CUX1: variants seen among roughly 807,000 people sequenced by gnomAD.
CUX1 encodes the protein cut like homeobox 1, also known as protein CASP.
CUX1 carries 31 observed loss-of-function variants against 158.8 expected under a neutral mutation model. That is an observed-to-expected ratio of 0.20 (90% CI 0.15 to 0.26). The LOEUF (loss-of-function observed/expected upper bound fraction) is 0.26. Ranked by LOEUF, CUX1 falls within the 10% of genes least tolerant of loss-of-function variation. CUX1 has a pLI of 1.00. For synonymous variants in CUX1, 879 were observed against 862.1 expected, an observed-to-expected ratio of 1.02 and a Z score of -0.34; for missense variants, 1,589 against 2,014.6, an observed-to-expected ratio of 0.79 and a Z score of 4.04.
At chr7:102,033,443 C>G (rs1821033298) in intron 3 of CUX1, among the ~76,000 whole-genome samples, 2 of 152,176 alleles carry the variant, frequency 1.3e-5, no homozygotes, top group African/African-American at 4.8e-5. Flanking sequence ...GAAAATACCA[C>G]TGCAACTGAC....
chr7:102,178,888 G>A (rs188233460), intron 11 of CUX1, among the ~76,000 whole-genome samples: 120 of 152,034 alleles, frequency 7.9e-4, no homozygotes, highest in Non-Finnish European at 1.3e-3. Flanking sequence ...TTTTGGAGTC[G>A]GAGTCTCGCT....
chr7:101,878,172 C>A (rs67389746), intron 1 of CUX1, among the ~76,000 whole-genome samples: 18,460 of 152,194 alleles, frequency 0.12, 1,220 homozygotes, highest in South Asian at 0.18. Flanking sequence ...AAACAAACCA[C>A]CTGGTTTTGT....
chr7:102,043,912 C>T (rs1454374852), intron 3 of CUX1, among the ~76,000 whole-genome samples: 5 of 152,036 alleles, frequency 3.3e-5, no homozygotes, highest in African/African-American at 7.2e-5. Context: ...GATACCTCAT[C>T]GTGGTTTTGA....
chr7:101,816,206 G>A (rs1357006042), upstream of CUX1: 1 of 271,902 alleles, frequency 3.7e-6, no homozygotes, highest in East Asian at 1.8e-4. Context: ...CGGCGGCGGG[G>A]AGGAGGGGGG....
At chr7:102,124,621 G>A (rs1585790055) in intron 8 of CUX1, among the ~76,000 whole-genome samples, 1 of 152,136 alleles carries the variant, frequency 6.6e-6, no homozygotes, top group South Asian at 2.1e-4. Context: ...CATGTAAAAC[G>A]TTGATCACAT....
At chr7:101,834,195 AT>A (rs1562903591) in intron 1 of CUX1, among the ~76,000 whole-genome samples, 11 of 81,434 alleles carry the variant, frequency 1.4e-4, no homozygotes, top group Non-Finnish European at 2.6e-4. Context: ...TTTTTTTGAG[AT>A]GGAGTCTCCC....
At chr7:101,970,020 A>G (rs1182013205) in intron 2 of CUX1, among the ~76,000 whole-genome samples, 1 of 139,330 alleles carries the variant, frequency 7.2e-6, no homozygotes, top group Non-Finnish European at 1.6e-5. Flanking sequence ...TTACTCTTGT[A>G]GTTTACATGT....
intron 3 of CUX1, among the ~76,000 whole-genome samples, chr7:102,045,705 A>G (rs1034375436): frequency 1.3e-5 from 2 of 152,280 alleles, no homozygotes; most frequent in Non-Finnish European, 2.9e-5. Context: ...TAAAAGTCCT[A>G]TTAAACCATT....
chr7:101,966,673 C>A (rs1173332194), intron 2 of CUX1, among the ~76,000 whole-genome samples: 1 of 152,134 alleles, frequency 6.6e-6, no homozygotes, highest in Admixed American at 6.5e-5. Context: ...AAGAGCATGG[C>A]AGGGGGCCAG....
At chr7:102,086,892 C>G (rs1359361963) in intron 4 of CUX1, among the ~76,000 whole-genome samples, 3 of 151,944 alleles carry the variant, frequency 2.0e-5, no homozygotes, top group Non-Finnish European at 2.9e-5. Flanking sequence ...TATACAATGA[C>G]CTTCATTATT....
At chr7:102,010,604 C>T (rs1338191326) in intron 2 of CUX1, among the ~76,000 whole-genome samples, 5 of 151,980 alleles carry the variant, frequency 3.3e-5, no homozygotes, top group African/African-American at 7.3e-5. Flanking sequence ...GTCTGTTACT[C>T]GTTTGTATGT....
intron 1 of CUX1, among the ~76,000 whole-genome samples, chr7:101,905,008 A>G (rs1329746422): frequency 6.6e-6 from 1 of 152,180 alleles, no homozygotes; most frequent in Non-Finnish European, 1.5e-5. Flanking sequence ...TAGCAGCTCT[A>G]TGAAGTATGT....
At chr7:101,853,077 G>C (rs1156997121) in intron 1 of CUX1, among the ~76,000 whole-genome samples, 1 of 152,096 alleles carries the variant, frequency 6.6e-6, no homozygotes, top group African/African-American at 2.4e-5. Flanking sequence ...ATAATACAGT[G>C]AACACCCAGG....
intron 2 of CUX1, among the ~76,000 whole-genome samples, chr7:101,987,741 G>A (rs1814521429): frequency 6.6e-6 from 1 of 152,220 alleles, no homozygotes; most frequent in South Asian, 2.1e-4. Context: ...CTGCACCAGG[G>A]ACATCAGAGT....
intron 20 of CUX1, among the ~76,000 whole-genome samples, chr7:102,208,399 AC>A (rs1796164852): frequency 6.6e-6 from 1 of 152,178 alleles, no homozygotes; most frequent in Non-Finnish European, 1.5e-5. Flanking sequence ...ATGCGCCAGC[AC>A]ACCCAGCTAG....
rs1015923985 is a variant in CUX1, at chr7:101,924,017, G to T, written c.141+7792G>T. Among the ~76,000 whole-genome samples, 3 of 152,334 alleles carry T rather than the reference G, an allele frequency of 2.0e-5. No individual in the cohort carries two copies. In the South Asian group the frequency reaches 6.2e-4, roughly 32 times the overall value. ...ACTTGGAAAGGAATCTTTTACCATC[G>T]TTGAAATTGGCTAGATTTGTGGATT... On this transcript the variant is annotated intron_variant, in intron 2 of 23. Coordinates refer to ENST00000292535, the MANE Select transcript of CUX1 (RefSeq NM_181552.4).
chr7:102,212,097 C>T (rs1796597956), intron 20 of CUX1, among the ~76,000 whole-genome samples: 1 of 152,138 alleles, frequency 6.6e-6, no homozygotes, highest in Non-Finnish European at 1.5e-5. Context: ...TTGTGGGATT[C>T]AAGATGGGGG....
chr7:101,974,393 T>C (rs972465025), intron 2 of CUX1, among the ~76,000 whole-genome samples: 4 of 152,218 alleles, frequency 2.6e-5, no homozygotes, highest in African/African-American at 9.6e-5. Flanking sequence ...TGTTAATATT[T>C]TCAAAAGTTC....
intron 8 of CUX1, among the ~76,000 whole-genome samples, chr7:102,141,770 A>C (rs1834489306): frequency 6.8e-6 from 1 of 146,060 alleles, no homozygotes; most frequent in Non-Finnish European, 1.5e-5. Context: ...TTACAGGTGC[A>C]CACCACCACT....
Sources: gnomAD v4.1 joint callset for allele counts (sites outside exome capture counted in the v4.1 genomes callset) on GRCh38, gnomAD v4.1.1 for gene constraint, MANE v1.5 for transcripts, NCBI Gene and HGNC (gene_info 2026-07-23, HGNC 2026-07-21) for gene names.